Variants in KCNIP1 observed in about 807,000 individuals in gnomAD.
The protein encoded by KCNIP1 is A-type potassium channel modulatory protein KCNIP1.
In KCNIP1, 18 loss-of-function variants were observed where a neutral mutation model predicts 33.0. The observed-to-expected ratio is 0.55, with a 90% CI of 0.38 to 0.81. The LOEUF (loss-of-function observed/expected upper bound fraction) is 0.81. KCNIP1 is among the 30% of genes least tolerant of loss of function. The pLI, the probability that KCNIP1 is intolerant of heterozygous loss-of-function variation, is 0.00. For synonymous variants in KCNIP1, 93 were observed against 98.3 expected, an observed-to-expected ratio of 0.95 and a Z score of 0.32; for missense variants, 238 against 271.6, an observed-to-expected ratio of 0.88 and a Z score of 0.87.
intron 1 of KCNIP1, among the ~76,000 whole-genome samples, chr5:170,379,153 G>T (rs1013408932): frequency 2.0e-5 from 3 of 152,196 alleles, no homozygotes; most frequent in Admixed American, 2.0e-4. Context: ...GCTCTCATTT[G>T]TGTCTTGTGT....
chr5:170,561,568 G>C (rs1486866636), intron 1 of KCNIP1, among the ~76,000 whole-genome samples: 2 of 152,206 alleles, frequency 1.3e-5, no homozygotes, highest in African/African-American at 2.4e-5. Context: ...TCTAGAGCTT[G>C]TTTGTGCCTT....
intron 1 of KCNIP1, among the ~76,000 whole-genome samples, chr5:170,546,390 T>C (rs190062018): frequency 3.7e-4 from 56 of 152,306 alleles, no homozygotes; most frequent in Admixed American, 2.7e-3. Flanking sequence ...CACTTAGCAG[T>C]GTCCTATGCG....
chr5:170,491,324 C>T (rs1161892876), intron 1 of KCNIP1, among the ~76,000 whole-genome samples: 1 of 152,154 alleles, frequency 6.6e-6, no homozygotes, highest in Non-Finnish European at 1.5e-5. Context: ...AGCATTCTAG[C>T]AGAAGTGAAA....
chr5:170,674,396 C>T (rs1052182979), intron 1 of KCNIP1, among the ~76,000 whole-genome samples: 1 of 152,148 alleles, frequency 6.6e-6, no homozygotes, highest in African/African-American at 2.4e-5. Flanking sequence ...CCATTGACAA[C>T]AGTTACATTT....
At chr5:170,420,800 G>A (rs969795896) in intron 1 of KCNIP1, among the ~76,000 whole-genome samples, 6 of 152,046 alleles carry the variant, frequency 3.9e-5, no homozygotes, top group East Asian at 1.9e-4. Flanking sequence ...GAAATACTGC[G>A]TCTTCTTCTT....
At chr5:170,648,848 T>C (rs1041939035) in intron 1 of KCNIP1, among the ~76,000 whole-genome samples, 10 of 152,170 alleles carry the variant, frequency 6.6e-5, no homozygotes. Context: ...AAGCTGTGCA[T>C]GTGCGGGAGT....
intron 1 of KCNIP1, among the ~76,000 whole-genome samples, chr5:170,519,170 T>A (rs1225720485): frequency 6.6e-6 from 1 of 152,228 alleles, no homozygotes; most frequent in Non-Finnish European, 1.5e-5. Context: ...TGGTATCATT[T>A]ATTATTTCCA....
At chr5:170,403,227 T>C (rs576863112) in intron 1 of KCNIP1, among the ~76,000 whole-genome samples, 2 of 152,280 alleles carry the variant, frequency 1.3e-5, no homozygotes, top group African/African-American at 2.4e-5. Context: ...GACAGAAAGA[T>C]AGAAAGAAAC....
chr5:170,389,195 T>A (rs2075612), intron 1 of KCNIP1: 88,368 of 152,014 alleles, frequency 0.58, 25,958 homozygotes, highest in Admixed American at 0.63. Flanking sequence ...TGCTTTCCCC[T>A]GTCTCCCTCC....
chr5:170,696,504 G>A (rs1216302485), intron 1 of KCNIP1, among the ~76,000 whole-genome samples: 2 of 152,160 alleles, frequency 1.3e-5, no homozygotes, highest in Non-Finnish European at 2.9e-5. Context: ...ACTGTCTGGG[G>A]AAGACAGAAA....
At chr5:170,552,901 G>A (rs1408276037) in intron 1 of KCNIP1, among the ~76,000 whole-genome samples, 1 of 152,326 alleles carries the variant, frequency 6.6e-6, no homozygotes, top group Admixed American at 6.5e-5. Flanking sequence ...GGGGCCCAGA[G>A]CTTAGACTCC....
At chr5:170,667,104 G>A (rs952176877) in intron 1 of KCNIP1, among the ~76,000 whole-genome samples, 1 of 152,192 alleles carries the variant, frequency 6.6e-6, no homozygotes, top group African/African-American at 2.4e-5. Flanking sequence ...ACGAGGTCAG[G>A]AGTTTGAAAC....
intron 1 of KCNIP1, among the ~76,000 whole-genome samples, chr5:170,701,366 G>T (rs1039298740): frequency 1.3e-5 from 2 of 152,212 alleles, no homozygotes; most frequent in Non-Finnish European, 2.9e-5. Context: ...CTATCTCACA[G>T]TGAGAAATTC....
At chr5:170,655,567 C>G (rs1421795378) in intron 1 of KCNIP1, among the ~76,000 whole-genome samples, 7 of 152,180 alleles carry the variant, frequency 4.6e-5, no homozygotes, top group African/African-American at 1.2e-4. Context: ...AGATGTGTTG[C>G]TAGGCATTTG....
At chr5:170,365,943 A>G (rs1763647992) in intron 1 of KCNIP1, among the ~76,000 whole-genome samples, 1 of 152,232 alleles carries the variant, frequency 6.6e-6, no homozygotes, top group Non-Finnish European at 1.5e-5. Context: ...GCTGTTTATC[A>G]GGGCTGAGCT....
intron 1 of KCNIP1, among the ~76,000 whole-genome samples, chr5:170,373,074 C>G (rs1315651041): frequency 2.0e-5 from 3 of 152,184 alleles, no homozygotes. Flanking sequence ...TCTCATCTCC[C>G]AAATCCTTTG....
intron 1 of KCNIP1, among the ~76,000 whole-genome samples, chr5:170,716,778 C>T (rs1763658365): frequency 6.6e-6 from 1 of 152,124 alleles, no homozygotes; most frequent in South Asian, 2.1e-4. Flanking sequence ...TCTCAAGCTC[C>T]CACAAAGAAA....
At chr5:170,601,436 G>A (rs532218915) in intron 1 of KCNIP1, among the ~76,000 whole-genome samples, 1 of 152,208 alleles carries the variant, frequency 6.6e-6, no homozygotes, top group Non-Finnish European at 1.5e-5. Flanking sequence ...CCTGGCTTCT[G>A]CTTTGTCCCG....
chr5:170,354,695 G>A (rs1008738986), intron 1 of KCNIP1, among the ~76,000 whole-genome samples: 5 of 152,216 alleles, frequency 3.3e-5, no homozygotes, highest in South Asian at 2.1e-4. Flanking sequence ...GCCCACAGCC[G>A]GGAGGCAGAA....
Sources: allele counts gnomAD v4.1 joint callset (sites outside exome capture counted in the v4.1 genomes callset), GRCh38; gene constraint gnomAD v4.1.1; transcripts MANE v1.5; gene names NCBI Gene and HGNC (gene_info 2026-07-23, HGNC 2026-07-21).